The following BRIP1 variants were observed in gnomAD, a reference collection of about 807,000 sequenced individuals.
BRIP1 encodes the protein Fanconi anemia group J protein.
Under a neutral mutation model 119.7 loss-of-function variants are expected in BRIP1, and 88 were observed. The observed-to-expected ratio is 0.74, with a 90% confidence interval of 0.62 to 0.88. The LOEUF (loss-of-function observed/expected upper bound fraction) is 0.88, where lower values mean the gene tolerates loss of function less well. Ranked by LOEUF, BRIP1 falls within the 40% of genes least tolerant of loss-of-function variation. The pLI is 0.00. For missense variants in BRIP1, 1,259 were observed against 1,455.4 expected (o/e 0.87, Z 2.20); for synonymous variants, 443 against 496.5 (o/e 0.89, Z 1.43).
rs980534975 is a variant in BRIP1 at position 61,758,915 on chromosome 17, G to A, written c.2098-14324C>T. Among the ~76,000 whole-genome samples the A allele has an allele frequency of 1.3e-5, 2 of 151,860 alleles. No homozygotes were observed. Among genetic ancestry groups the A allele is most frequent in the Admixed American group, 6.6e-5 (1 of 15,238 alleles). On this transcript the variant is annotated intron_variant, in intron 14 of 19. Transcript: ENST00000259008. The surrounding 1 kb of genome is among the most constrained non-coding windows in gnomAD (Gnocchi z 5.3). The stretch of plus-strand genomic sequence containing the variant: ...TAGTACCAGCTACTCAGGAGGCTGA[G>A]GTTGATCCCTTCAACCCAGGAGTTC...
At chr17:61,727,351 A>G (rs1484525349) in intron 16 of BRIP1, among the ~76,000 whole-genome samples, 1 of 152,238 alleles carries the variant, frequency 6.6e-6, no homozygotes, top group Non-Finnish European at 1.5e-5. Flanking sequence ...GCATGTACAT[A>G]AGAAAAAAGA....
Position 61,724,353 on chromosome 17 carries a change from GTA to G in BRIP1, c.2380-8292_2380-8291del, listed in dbSNP as rs1403054107. On this transcript the variant is annotated intron_variant, in intron 16 of 19. Transcript: ENST00000259008. The surrounding 1 kb of genome is among the most constrained non-coding windows in gnomAD (Gnocchi z 5.1). ...CCATGCCTTGGTTTTATTGGAAACAGTATAAGTAGCAGAGCACTTATAGCAGC... is the reference window on the plus strand; with the variant it reads ...CCATGCCTTGGTTTTATTGGAAACAGTAAGTAGCAGAGCACTTATAGCAGC... Among the ~76,000 whole-genome samples the G allele has an allele frequency of 6.6e-6, 1 of 152,086 alleles. No homozygotes were observed. The highest frequency in any genetic ancestry group is 6.6e-5 in the Admixed American group (1 of 15,264).
In BRIP1 at chr17:61,686,161, A is replaced by G. The variant is rs1603277017; in HGVS notation, c.2580T>C (p.Leu860=). The G allele has an allele frequency of 1.9e-6, 3 of 1,614,068 alleles. No individual in the cohort carries two copies. The highest frequency in any genetic ancestry group is 2.5e-6 in the Non-Finnish European group (3 of 1,179,930). ...RNNPSRYISG[L]SKWVRQQIQH... ...GAATCTGCTGCCGTACCCATTTAGA[A>G]AGTCCTAAAGAAAAAGGTAAACCCA... is the stretch of plus-strand genomic sequence containing the variant. The change falls in exon 19 of 20, where the codon CTT becomes CTC. Residue 860 remains leucine, a synonymous_variant. Transcript: ENST00000259008. The surrounding 1 kb of genome is among the most constrained non-coding windows in gnomAD (Gnocchi z 5.4).
Position 61,789,821 on chromosome 17 carries a change from TAGA to T in BRIP1, c.1473+3773_1473+3775del, listed in dbSNP as rs1432128423. Among the ~76,000 whole-genome samples the T allele has an allele frequency of 8.5e-5, 13 of 152,334 alleles. No individual in the cohort carries two copies. The highest frequency in any genetic ancestry group is 5.2e-4 in the Admixed American group (8 of 15,296). ...TATTTATAATAAGCAAATATGGGCATAGAAGAAGGCATAAGTAGACATAAATCA... is the reference window on the plus strand; with the variant it reads ...TATTTATAATAAGCAAATATGGGCATAGAAGGCATAAGTAGACATAAATCA... On this transcript the variant is annotated intron_variant, in intron 10 of 19. Coordinates refer to ENST00000259008, the MANE Select transcript of BRIP1 (RefSeq NM_032043.3). This position sits in a 1 kb window ranked among gnomAD's most constrained non-coding sequence, Gnocchi z 4.8.
Position 61,848,466 on chromosome 17 carries a change from C to T in BRIP1, c.507+663G>A, listed in dbSNP as rs902277007. 1.4e-4 allele frequency among the ~76,000 whole-genome samples: 21 copies of T among 152,128 alleles called. No homozygotes were observed. The highest frequency in any genetic ancestry group is 6.5e-5 in the Admixed American group (1 of 15,270). On this transcript the variant is annotated intron_variant, in intron 5 of 19. Transcript: ENST00000259008. The surrounding 1 kb of genome is among the most constrained non-coding windows in gnomAD (Gnocchi z 4.3). ...GACTCAAGAGATCCTCCCACCTCAG[C>T]CTCCCAGAGTGCTGGGATTACAGTC...
chr17:61,742,251 C>T lies in BRIP1; in HGVS notation c.2379+762G>A, dbSNP rs962670042. Among the ~76,000 whole-genome samples the T allele has an allele frequency of 3.3e-5, 5 of 152,186 alleles. No individual in the cohort carries two copies. The highest frequency in any genetic ancestry group is 7.4e-5 in the Non-Finnish European group (5 of 68,024). On this transcript the variant is annotated intron_variant, in intron 16 of 19. Transcript: ENST00000259008. The surrounding 1 kb of genome is among the most constrained non-coding windows in gnomAD (Gnocchi z 4.7). ...GGCCTTGCTCTGAATTAAGTTTTGG[C>T]TTAAGAGAATGTTACGGACAGTTTG...
chr17:61,840,355 C>CAA (rs11334899), intron 6 of BRIP1, among the ~76,000 whole-genome samples: 19,025 of 104,782 alleles, frequency 0.18, 1,885 homozygotes, highest in Admixed American at 0.27. Context: ...GACTCCGTCT[C>CAA]AAAAAAAAAA....
Position 61,703,545 on chromosome 17 carries a change from G to GT in BRIP1, c.2493-10034dup, listed in dbSNP as rs1305480794. Among the ~76,000 whole-genome samples the GT allele has an allele frequency of 6.6e-6, 1 of 152,164 alleles. No homozygotes were observed. Among genetic ancestry groups the GT allele is most frequent in the Non-Finnish European group, 1.5e-5 (1 of 68,038 alleles). ...TATGGATTCTGGATATTAGACGTTT[G>GT]TAAGATGCATAGTTTGCAAACATTT... is the stretch of plus-strand genomic sequence containing the variant. On this transcript the variant is annotated intron_variant, in intron 17 of 19. Coordinates refer to ENST00000259008, the MANE Select transcript of BRIP1 (RefSeq NM_032043.3). The surrounding 1 kb of genome is among the most constrained non-coding windows in gnomAD (Gnocchi z 5.0).
At chr17:61,698,050 C>T (rs2061556097) in intron 17 of BRIP1, among the ~76,000 whole-genome samples, 1 of 152,166 alleles carries the variant, frequency 6.6e-6, no homozygotes, top group African/African-American at 2.4e-5. Flanking sequence ...AGGTAATCTG[C>T]CCGTGTTGGC....
At position 61,695,482 on chromosome 17, in the gene BRIP1, T is replaced by G. The variant is rs2144205623; in HGVS notation, c.2493-1970A>C. 6.6e-6 allele frequency among the ~76,000 whole-genome samples: 1 copy of G among 152,290 alleles called. No individual in the cohort carries two copies. Among genetic ancestry groups the G allele is most frequent in the African/African-American group, 2.4e-5 (1 of 41,574 alleles). The stretch of plus-strand genomic sequence containing the variant: ...TTGACTATTCTGGGTTCCTTGCTTT[T>G]CCATAATAATTTTAGAATCAGCTTC... On this transcript the variant is annotated intron_variant, in intron 17 of 19. Coordinates refer to ENST00000259008, the MANE Select transcript of BRIP1 (RefSeq NM_032043.3). This position sits in a 1 kb window ranked among gnomAD's most constrained non-coding sequence, Gnocchi z 4.3.
intron 16 of BRIP1, among the ~76,000 whole-genome samples, chr17:61,733,452 T>C (rs1275069663): frequency 1.3e-5 from 2 of 152,218 alleles, no homozygotes; most frequent in Non-Finnish European, 2.9e-5. Context: ...TATTACTTTA[T>C]TAATGCTGTT....
At chr17:61,718,759 A>G (rs2061923340) in intron 16 of BRIP1, among the ~76,000 whole-genome samples, 1 of 152,198 alleles carries the variant, frequency 6.6e-6, no homozygotes, top group Non-Finnish European at 1.5e-5. Context: ...AAGTATATCA[A>G]ATGGTACAGT....
chr17:61,714,172 A>G (rs1184758818), intron 17 of BRIP1, among the ~76,000 whole-genome samples: 3 of 152,102 alleles, frequency 2.0e-5, no homozygotes, highest in Non-Finnish European at 2.9e-5. Context: ...GAATAAGCTC[A>G]GGGTAATTTA....
At chr17:61,711,385 C>CA (rs796791917) in intron 17 of BRIP1, among the ~76,000 whole-genome samples, 332 of 147,810 alleles carry the variant, frequency 2.2e-3, no homozygotes, top group African/African-American at 6.8e-3. Context: ...TATTAAAATT[C>CA]AAAAAAAAAA....
Position 61,730,558 on chromosome 17 carries a change from A to G in BRIP1, c.2379+12455T>C, listed in dbSNP as rs185034411. Among the ~76,000 whole-genome samples, 2 of 152,338 alleles carry G rather than the reference A, an allele frequency of 1.3e-5. No individual in the cohort carries two copies. Among genetic ancestry groups the G allele is most frequent in the African/African-American group, 2.4e-5 (1 of 41,578 alleles). On this transcript the variant is annotated intron_variant, in intron 16 of 19. Transcript: ENST00000259008. This position sits in a 1 kb window ranked among gnomAD's most constrained non-coding sequence, Gnocchi z 4.3. The stretch of plus-strand genomic sequence containing the variant: ...CCTAGTTTGAGAGCAAAATTAATAT[A>G]TAAAGGTCAAAGTTCCTTTTCTCAC...
Position 61,710,913 on chromosome 17 carries a change from T to C in BRIP1, c.2492+5038A>G, listed in dbSNP as rs1054527097. On this transcript the variant is annotated intron_variant, in intron 17 of 19. Coordinates refer to ENST00000259008, the MANE Select transcript of BRIP1 (RefSeq NM_032043.3). The surrounding 1 kb of genome is among the most constrained non-coding windows in gnomAD (Gnocchi z 5.4). ...AAAATTAGCTGGGCATGGTAGTGCG[T>C]GCCTGTAATCTCAGCTACTCAAGAG... Among the ~76,000 whole-genome samples, 11 of 151,576 alleles carry C rather than the reference T, an allele frequency of 7.3e-5. No homozygotes were observed. Among genetic ancestry groups the C allele is most frequent in the Non-Finnish European group, 1.3e-4 (9 of 67,868 alleles).
At position 61,824,112 on chromosome 17, in the gene BRIP1, G is replaced by T. The variant is rs2078369201; in HGVS notation, c.628-15355C>A. Among the ~76,000 whole-genome samples the T allele has an allele frequency of 6.6e-6, 1 of 152,172 alleles. No individual in the cohort carries two copies. ...TTACAGGCATGAGCCACCATGCCCG[G>T]CCTAAGATAGAATTTTTAAAGCAGC... On this transcript the variant is annotated intron_variant, in intron 6 of 19. Transcript: ENST00000259008. The surrounding 1 kb of genome is among the most constrained non-coding windows in gnomAD (Gnocchi z 4.3).
intron 14 of BRIP1, among the ~76,000 whole-genome samples, chr17:61,772,398 T>C (rs1472616351): frequency 6.6e-6 from 1 of 151,006 alleles, no homozygotes; most frequent in African/African-American, 2.4e-5. Context: ...TAACAGGAAA[T>C]GGGGAAAAGG....
chr17:61,776,475 C>A lies in BRIP1; in HGVS notation c.2023G>T (p.Glu675Ter). Residue 675 changes from glutamate to a stop codon, truncating the protein, a stop_gained, in exon 14 of 20, where the codon GAA becomes TAA. Coordinates refer to ENST00000259008, the MANE Select transcript of BRIP1 (RefSeq NM_032043.3). LOFTEE classifies it high-confidence loss of function. This position sits in a 1 kb window ranked among gnomAD's most constrained non-coding sequence, Gnocchi z 5.0. ...ACAGATAACAAAAGTGCTCCCACTT[C>A]ATCTTGGAACTCAAATGTTTCAGTA... is the stretch of plus-strand genomic sequence containing the variant. ...QNTETFEFQD[E>*]VGALLLSVCQ... 1 of 1,614,180 alleles carries A rather than the reference C, an allele frequency of 6.2e-7. No individual in the cohort carries two copies. Among genetic ancestry groups the A allele is most frequent in the Non-Finnish European group, 8.5e-7 (1 of 1,180,032 alleles).
Sources: allele counts gnomAD v4.1 joint callset (sites outside exome capture counted in the v4.1 genomes callset), GRCh38; gene constraint gnomAD v4.1.1; non-coding constraint Gnocchi (gnomAD v3.1); transcripts MANE v1.5; gene names NCBI Gene and HGNC (gene_info 2026-07-23, HGNC 2026-07-21).